TMC1: variants seen among roughly 807,000 people sequenced by gnomAD.
The protein encoded by TMC1 is transmembrane channel like 1.
TMC1 carries 84 observed loss-of-function variants against 105.8 expected under a neutral mutation model. That is an observed-to-expected ratio of 0.79 (90% CI 0.67 to 0.95). The LOEUF (loss-of-function observed/expected upper bound fraction) is 0.95, where lower values mean the gene tolerates loss of function less well. TMC1 is among the 40% of genes least tolerant of loss of function. The probability of loss-of-function intolerance (pLI) is 0.00; values close to 1 mark genes in which losing one functional copy is unlikely to be tolerated. For synonymous variants in TMC1, 315 were observed against 311.5 expected (o/e 1.01, Z -0.12); for missense variants, 817 against 914.1 (o/e 0.89, Z 1.37).
intron 20 of TMC1, among the ~76,000 whole-genome samples, chr9:72,825,214 T>C (rs1428567329): frequency 1.3e-5 from 2 of 152,196 alleles, no homozygotes; most frequent in African/African-American, 2.4e-5. Context: ...AGTCCATGCA[T>C]TAAGCATTGA....
rs562651174 is a variant in TMC1 at position 72,681,857 on chromosome 9, G to C, written c.17-6852G>C. Among the ~76,000 whole-genome samples, 153 of 152,044 alleles carry C rather than the reference G, an allele frequency of 1.0e-3. 1 individual carries two copies. Among genetic ancestry groups the C allele is most frequent in the Non-Finnish European group, 1.4e-3 (94 of 67,980 alleles). On this transcript the variant is annotated intron_variant, in intron 5 of 23. Transcript: ENST00000297784. ...TGTGTTTCTCCATAGGCTTCATCCT[G>C]TTCTATTTATCAACTATATTATATT... is the stretch of plus-strand genomic sequence containing the variant.
At chr9:72,693,158 C>T (rs1444831) in intron 6 of TMC1, among the ~76,000 whole-genome samples, 1 of 150,292 alleles carries the variant, frequency 6.7e-6, no homozygotes, top group Non-Finnish European at 1.5e-5. Flanking sequence ...GTTTTTTACT[C>T]TCTGCTACCT....
In TMC1 at chr9:72,695,378, C is replaced by T. The variant is rs191803060; in HGVS notation, c.236+664C>T. ...CATTAAATGCTGTTTAGGAAAAATCCAAGAAAATACTTTTCTTCTTTTTGC... is the reference window on the plus strand; with the variant it reads ...CATTAAATGCTGTTTAGGAAAAATCTAAGAAAATACTTTTCTTCTTTTTGC... On this transcript the variant is annotated intron_variant, in intron 7 of 23. Transcript: ENST00000297784. 3.9e-5 allele frequency among the ~76,000 whole-genome samples: 6 copies of T among 152,198 alleles called. No individual in the cohort carries two copies. In the East Asian group the frequency reaches 1.2e-3, roughly 29 times the overall value.
intron 5 of TMC1, among the ~76,000 whole-genome samples, chr9:72,679,634 T>A (rs1826256813): frequency 6.6e-6 from 1 of 152,116 alleles, no homozygotes; most frequent in African/African-American, 2.4e-5. Context: ...TAGACAGCCA[T>A]CCATTTGCTG....
intron 2 of TMC1, among the ~76,000 whole-genome samples, chr9:72,603,386 T>TACACAC (rs10584160): frequency 0.03 from 4,343 of 145,296 alleles, 102 homozygotes; most frequent in Middle Eastern, 0.062. Context: ...CTCTCCCCAC[T>TACACAC]ACACACACAC....
At chr9:72,555,832 AGG>A (rs1823927766) in intron 1 of TMC1, among the ~76,000 whole-genome samples, 1 of 151,816 alleles carries the variant, frequency 6.6e-6, no homozygotes, top group African/African-American at 2.4e-5. Context: ...CATATTCCCC[AGG>A]CTGGTCTCAA....
At chr9:72,777,807 C>T (rs1482542366) in intron 13 of TMC1, among the ~76,000 whole-genome samples, 1 of 152,172 alleles carries the variant, frequency 6.6e-6, no homozygotes, top group African/African-American at 2.4e-5. Flanking sequence ...CAGAACTAAA[C>T]AGTGATAGAA....
chr9:72,753,071 A>G (rs1364982807), intron 11 of TMC1, among the ~76,000 whole-genome samples: 1 of 152,146 alleles, frequency 6.6e-6, no homozygotes, highest in Non-Finnish European at 1.5e-5. Context: ...CTGATCTAGG[A>G]CTAGAACCCA....
intron 13 of TMC1, among the ~76,000 whole-genome samples, chr9:72,773,712 G>C (rs1244506005): frequency 6.6e-6 from 1 of 152,154 alleles, no homozygotes; most frequent in Non-Finnish European, 1.5e-5. Context: ...GAGGCCTCAT[G>C]AGTATCATTT....
chr9:72,612,127 C>A (rs974125169), intron 2 of TMC1, among the ~76,000 whole-genome samples: 1 of 152,082 alleles, frequency 6.6e-6, no homozygotes, highest in African/African-American at 2.4e-5. Context: ...GGATCCTTTC[C>A]CCTTCAGGCC....
At chr9:72,691,965 T>A (rs756460882) in intron 6 of TMC1, among the ~76,000 whole-genome samples, 10 of 152,184 alleles carry the variant, frequency 6.6e-5, no homozygotes, top group Non-Finnish European at 1.5e-5. Context: ...GTCCTATTAG[T>A]GCTCTAGGAG....
intron 1 of TMC1, among the ~76,000 whole-genome samples, chr9:72,534,558 T>C (rs952716374): frequency 6.6e-6 from 1 of 152,222 alleles, no homozygotes; most frequent in Non-Finnish European, 1.5e-5. Context: ...ACTTCTAAAA[T>C]TTGTATTTGG....
Position 72,650,872 on chromosome 9 carries a change from T to TTATATATATATATATATA in TMC1, c.16+2218_16+2219insTATATATATATATATATA, listed in dbSNP as rs71495328. Among the ~76,000 whole-genome samples the TTATATATATATATATATA allele has an allele frequency of 5.1e-3, 611 of 119,466 alleles. 7 individuals carry two copies. The highest frequency in any genetic ancestry group is 6.6e-3 in the Non-Finnish European group (379 of 57,578). The allele number at this position is 119,466 out of a possible 152,430, so 78.4% of individuals were successfully genotyped here. A position where few individuals can be genotyped will look rare whatever the true frequency, so the allele number is the denominator to read the frequency against. On this transcript the variant is annotated intron_variant, in intron 5 of 23. Coordinates refer to ENST00000297784, the MANE Select transcript of TMC1 (RefSeq NM_138691.3). ...GCTGCATGGTATTTCATGGTGTATT[T>TTATATATATATATATATA]TATATATATAGATATATAGATATAT...
At chr9:72,561,590 C>G (rs1228410587) in intron 1 of TMC1, among the ~76,000 whole-genome samples, 1 of 152,138 alleles carries the variant, frequency 6.6e-6, no homozygotes, top group Non-Finnish European at 1.5e-5. Context: ...TGCTCCAAGC[C>G]AGGCACTGTT....
In TMC1 at chr9:72,836,602, T is replaced by C. The variant is rs1489695368; in HGVS notation, c.*629T>C. ...AGAAGAAAAAAAAATCCTATATGAA[T>C]TGGGGCCTGGATAGCACTGAGTTGA... On this transcript the variant is annotated 3_prime_UTR_variant, in exon 24 of 24. Transcript: ENST00000297784. 2.0e-5 allele frequency: 3 copies of C among 153,314 alleles called. No individual in the cohort carries two copies. The highest frequency in any genetic ancestry group is 1.3e-4 in the Admixed American group (2 of 15,470). The allele number at this position is 153,314 out of a possible 1,614,324, so 9.5% of individuals were successfully genotyped here. A position where few individuals can be genotyped will look rare whatever the true frequency, so the allele number is the denominator to read the frequency against.
At chr9:72,774,877 G>A (rs1391382283) in intron 13 of TMC1, among the ~76,000 whole-genome samples, 1 of 152,130 alleles carries the variant, frequency 6.6e-6, no homozygotes, top group Admixed American at 6.6e-5. Context: ...CTTGGAATAA[G>A]TTTGAGCGGA....
chr9:72,632,447 A>T (rs1825466445), intron 4 of TMC1, among the ~76,000 whole-genome samples: 1 of 152,218 alleles, frequency 6.6e-6, no homozygotes, highest in Non-Finnish European at 1.5e-5. Context: ...TCCATACTGC[A>T]GAACACACAT....
At chr9:72,600,601 C>T (rs1222251741) in intron 2 of TMC1, among the ~76,000 whole-genome samples, 1 of 152,002 alleles carries the variant, frequency 6.6e-6, no homozygotes, top group Non-Finnish European at 1.5e-5. Flanking sequence ...AGTTATCCTA[C>T]AAAAATCCTA....
At chr9:72,794,770 G>A (rs1006491017) in intron 17 of TMC1, among the ~76,000 whole-genome samples, 2 of 152,168 alleles carry the variant, frequency 1.3e-5, no homozygotes, top group Admixed American at 6.5e-5. Context: ...AGTTCTTAAC[G>A]AGGCTGAGCT....
Sources: gnomAD v4.1 joint callset for allele counts (sites outside exome capture counted in the v4.1 genomes callset) on GRCh38, gnomAD v4.1.1 for gene constraint, MANE v1.5 for transcripts, NCBI Gene and HGNC (gene_info 2026-07-23, HGNC 2026-07-21) for gene names.